The following NRP2 variants were observed in gnomAD, a reference collection of about 807,000 sequenced individuals.
The protein encoded by NRP2 is neuropilin-2.
NRP2 carries 52 observed loss-of-function variants against 110.4 expected under a neutral mutation model. The ratio of observed to expected loss-of-function variants is 0.47; its 90% CI spans 0.38 to 0.59. The LOEUF is 0.59. NRP2 is among the 20% of genes least tolerant of loss of function. The pLI, the probability that NRP2 is intolerant of heterozygous loss-of-function variation, is 0.00. For missense variants in NRP2, 1,049 were observed against 1,203.0 expected, an observed-to-expected ratio of 0.87 and a Z score of 1.89; for synonymous variants, 508 against 468.9, an observed-to-expected ratio of 1.08 and a Z score of -1.08.
At chr2:205,770,388 C>T (rs1479619374) in intron 15 of NRP2, among the ~76,000 whole-genome samples, 3 of 152,148 alleles carry the variant, frequency 2.0e-5, no homozygotes, top group Admixed American at 2.0e-4. Context: ...AAGAGAGGCC[C>T]ATTTTGGGGG....
rs139379933 is a variant in NRP2, at chr2:205,718,030, C to T, written c.433+1656C>T. On this transcript the variant is annotated intron_variant, in intron 3 of 16. Coordinates refer to ENST00000357785, the MANE Select transcript of NRP2 (RefSeq NM_003872.3). ...GGGAGCAGTCAAGTGGCTTAGCAAT[C>T]GAGGGGCTCCAGAGAATCTATTCAA... Among the ~76,000 whole-genome samples the T allele has an allele frequency of 8.2e-3, 1,249 of 152,236 alleles. 11 individuals are homozygous for T. The highest frequency in any genetic ancestry group is 0.029 in the African/African-American group (1,188 of 41,538).
chr2:205,760,170 C>T (rs913145483), intron 12 of NRP2, among the ~76,000 whole-genome samples: 3 of 152,140 alleles, frequency 2.0e-5, no homozygotes, highest in Non-Finnish European at 4.4e-5. Flanking sequence ...CGTGTGATCG[C>T]GCACAGGCAG....
chr2:205,688,010 AG>A, intron 1 of NRP2, among the ~76,000 whole-genome samples: 1 of 152,316 alleles, frequency 6.6e-6, no homozygotes, highest in East Asian at 1.9e-4. Flanking sequence ...GGATGACCTG[AG>A]TGTAAGACAA....
In NRP2 at chr2:205,797,890, G is replaced by A. The variant is rs184191636; in HGVS notation, c.*2832G>A. ...GAGTTGACAGGGATGAGGGTCCAAG[G>A]AATAAGCATGAATGACAAGAAAACA... On this transcript the variant is annotated 3_prime_UTR_variant, in exon 17 of 17. Transcript: ENST00000357785. The A allele has an allele frequency of 2.0e-5, 3 of 152,710 alleles. No homozygotes were observed. In the East Asian group the frequency reaches 5.8e-4, roughly 29 times the overall value. The allele number at this position is 152,710 out of a possible 1,614,324, so 9.5% of individuals were successfully genotyped here. A position where few individuals can be genotyped will look rare whatever the true frequency, so the allele number is the denominator to read the frequency against.
chr2:205,793,863 C>T (rs2058327284), intron 16 of NRP2, among the ~76,000 whole-genome samples: 1 of 152,086 alleles, frequency 6.6e-6, no homozygotes, highest in South Asian at 2.1e-4. Flanking sequence ...AACAATAAGG[C>T]ACGATGCCTT....
chr2:205,716,369 A>G lies in NRP2; in HGVS notation c.428A>G (p.Lys143Arg). 6.2e-7 allele frequency: 1 copy of G among 1,613,872 alleles called. No individual in the cohort carries two copies. Among genetic ancestry groups the G allele is most frequent in the Non-Finnish European group, 8.5e-7 (1 of 1,180,006 alleles). Residue 143 changes from lysine (K) to arginine (R), a missense_variant, in exon 3 of 17, where the codon AAG (lysine) becomes AGG (arginine). Physicochemically the swap from Lys to Arg is conservative, Grantham distance 26 (BLOSUM62 2). Coordinates refer to ENST00000357785, the MANE Select transcript of NRP2 (RefSeq NM_003872.3). ...TTCTCTCTGCGCTACGAGATCTTCA[A>G]GACAGGTCAGTGTGGTCACACGTAG... ...AGFSLRYEIF[K>R]TGSEDCSKNF...
rs151124318 is a variant in NRP2 at position 205,726,054 on chromosome 2, A to G, written c.962A>G (p.Asn321Ser). ...GGTGATGACAATGGCTGGACCCCCA[A>G]CTTGGATTCCAACAAGGAGTATCTC... ...LHGDDNGWTP[N>S]LDSNKEYLQV... The change falls in exon 6 of 17, where the codon AAC becomes AGC. Residue 321 changes from asparagine to serine, a missense_variant. By Grantham distance (46) the Asn-to-Ser change is conservative. Transcript: ENST00000357785. 5 of 1,614,180 alleles carry G rather than the reference A, an allele frequency of 3.1e-6. No individual in the cohort carries two copies. The highest frequency in any genetic ancestry group is 1.7e-5 in the Admixed American group (1 of 60,024).
Position 205,720,024 on chromosome 2 carries a change from C to A in NRP2, c.434-2454C>A, listed in dbSNP as rs777653422. ...TGGATAAGGCAGATGTCTGCAAGAG[C>A]CAGCCAGCTTCTGCCTCCTTTTCTG... On this transcript the variant is annotated intron_variant, in intron 3 of 16. Transcript: ENST00000357785. 1.7e-3 allele frequency among the ~76,000 whole-genome samples: 260 copies of A among 152,306 alleles called. 3 individuals are homozygous for A. Among genetic ancestry groups the A allele is most frequent in the Non-Finnish European group, 5.6e-4 (38 of 68,030 alleles).
At chr2:205,716,832 G>A (rs1487722722) in intron 3 of NRP2, among the ~76,000 whole-genome samples, 1 of 152,056 alleles carries the variant, frequency 6.6e-6, no homozygotes, top group African/African-American at 2.4e-5. Context: ...CCTCCCAAAT[G>A]GGGTCACACC....
At chr2:205,702,562 G>A (rs1307299926) in intron 2 of NRP2, among the ~76,000 whole-genome samples, 2 of 152,184 alleles carry the variant, frequency 1.3e-5, no homozygotes, top group Non-Finnish European at 1.5e-5. Flanking sequence ...TAAACAAGGT[G>A]CTCTTGTGTT....
In NRP2 at chr2:205,700,896, T is replaced by G. The variant is rs958980864; in HGVS notation, c.251+3175T>G. 2.1e-4 allele frequency: 73 copies of G among 350,190 alleles called. No homozygotes were observed. The Admixed American group carries it at 2.2e-3, about 11-fold the overall frequency. 21.7% of individuals were successfully genotyped at this position (350,190 alleles called of 1,614,324 possible). ...GCTGTGGGCAGAAACCAGAGGCCAC[T>G]GTGGTACTGCTGGACTCCTGCAGCC... is the stretch of plus-strand genomic sequence containing the variant. On this transcript the variant is annotated intron_variant, in intron 2 of 16. Coordinates refer to ENST00000357785, the MANE Select transcript of NRP2 (RefSeq NM_003872.3).
chr2:205,743,597 A>G, intron 9 of NRP2, 45 bp downstream of exon 9: 1 of 1,605,942 alleles, frequency 6.2e-7, no homozygotes, highest in Non-Finnish European at 8.5e-7. Flanking sequence ...CTCAACAGGG[A>G]GGCTAAGTGT....
intron 2 of NRP2, among the ~76,000 whole-genome samples, chr2:205,714,204 T>C (rs775079510): frequency 2.0e-5 from 3 of 152,234 alleles, no homozygotes; most frequent in Non-Finnish European, 2.9e-5. Context: ...GTAATATCCC[T>C]ACTTTACTCT....
chr2:205,792,093 A>G, intron 15 of NRP2, 142 bp from the exon 16 acceptor site: 1 of 664,790 alleles, frequency 1.5e-6, no homozygotes, highest in South Asian at 1.7e-5. Context: ...AGTAATGTCC[A>G]TAATGAATGA....
intron 7 of NRP2, among the ~76,000 whole-genome samples, chr2:205,736,642 C>G (rs578060323): frequency 1.3e-5 from 2 of 152,152 alleles, no homozygotes; most frequent in Non-Finnish European, 2.9e-5. Flanking sequence ...GGAGGGAGGG[C>G]CAGTAAACTT....
At chr2:205,788,216 A>G (rs555290223) in intron 15 of NRP2, among the ~76,000 whole-genome samples, 1 of 152,240 alleles carries the variant, frequency 6.6e-6, no homozygotes, top group South Asian at 2.1e-4. Context: ...AAATAAGGTG[A>G]CTTTTTGGCC....
chr2:205,736,051 T>C (rs987781919), intron 7 of NRP2, among the ~76,000 whole-genome samples: 1 of 152,082 alleles, frequency 6.6e-6, no homozygotes, highest in Non-Finnish European at 1.5e-5. Context: ...TTAAAACAAA[T>C]AAAAAGTGGG....
intron 2 of NRP2, among the ~76,000 whole-genome samples, chr2:205,703,982 G>T (rs1241103618): frequency 6.6e-6 from 1 of 152,120 alleles, no homozygotes; most frequent in Non-Finnish European, 1.5e-5. Context: ...GAGACAGGGT[G>T]GTCAGGAAGC....
In NRP2 at chr2:205,795,075, C is replaced by T. The variant is rs1337827317; in HGVS notation, c.*17C>T. On this transcript the variant is annotated 3_prime_UTR_variant, in exon 17 of 17. Transcript: ENST00000357785. ...GAGGCATGACGGATTGCACCTGAAT[C>T]CTATCTGACGTTTCATTCCAGCAAG... 1 of 1,611,352 alleles carries T rather than the reference C, an allele frequency of 6.2e-7. No individual in the cohort carries two copies.
Sources: gnomAD v4.1 joint callset for allele counts (sites outside exome capture counted in the v4.1 genomes callset) on GRCh38, gnomAD v4.1.1 for gene constraint, MANE v1.5 for transcripts, NCBI Gene and HGNC (gene_info 2026-07-23, HGNC 2026-07-21) for gene names.